ZNF277: variants seen among roughly 807,000 people sequenced by gnomAD.
ZNF277 encodes nuclear receptor-interacting factor 4.
In ZNF277, 55 loss-of-function variants were observed where a neutral mutation model predicts 60.7. That is an observed-to-expected ratio of 0.91 (90% CI 0.73 to 1.13). ZNF277 has a LOEUF of 1.13. Among genes scored for constraint, ZNF277 ranks in the 50% most tolerant of loss-of-function variants. ZNF277 has a pLI of 0.00. For missense variants in ZNF277, 510 were observed against 523.0 expected (o/e 0.98, Z 0.24); for synonymous variants, 178 against 179.3 (o/e 0.99, Z 0.06).
intron 1 of ZNF277, among the ~76,000 whole-genome samples, chr7:112,238,570 C>G (rs997818057): frequency 6.6e-6 from 1 of 152,174 alleles, no homozygotes; most frequent in Admixed American, 6.5e-5. Flanking sequence ...GAGACACCAC[C>G]TGTGGTGGCC....
chr7:112,321,168 G>A (rs535400427), intron 5 of ZNF277, among the ~76,000 whole-genome samples: 12 of 151,770 alleles, frequency 7.9e-5, no homozygotes, highest in East Asian at 5.8e-4. Context: ...TGATCCCCCC[G>A]CCTCAGCCTC....
chr7:112,297,781 C>G (rs4730522), intron 4 of ZNF277, among the ~76,000 whole-genome samples: 1 of 152,186 alleles, frequency 6.6e-6, no homozygotes, highest in East Asian at 1.9e-4. Context: ...CTCACTGTTG[C>G]TAACAGTGGC....
chr7:112,282,021 C>T (rs1344841089), intron 1 of ZNF277, among the ~76,000 whole-genome samples: 2 of 152,020 alleles, frequency 1.3e-5, no homozygotes, highest in African/African-American at 2.4e-5. Context: ...TCAGTAGAGA[C>T]GGGGTTTCAC....
chr7:112,333,272 T>G lies in ZNF277; in HGVS notation c.802-2832T>G, dbSNP rs565204418. 2.6e-5 allele frequency among the ~76,000 whole-genome samples: 4 copies of G among 152,316 alleles called. No homozygotes were observed. The South Asian group carries it at 8.3e-4, about 32-fold the overall frequency. ...TAGTAGTGGGTTTATACATCTATTT[T>G]ATTGACATCATACATTCTGCATACA... On this transcript the variant is annotated intron_variant, in intron 7 of 11. Transcript: ENST00000361822.
At position 112,206,731 on chromosome 7, in the gene ZNF277, G is replaced by A. The variant is rs761648557; in HGVS notation, c.15G>A (p.Lys5=). The change falls in exon 1 of 12, where the codon AAG becomes AAA. Residue 5 remains lysine, a synonymous_variant. Transcript: ENST00000361822. Reference sequence around the variant, plus strand: ...TCTGCCGGGTAATGGCTGCTTCCAAGACCCAGGGGGCTGTCGCCCGAATGC... The same window carrying A: ...TCTGCCGGGTAATGGCTGCTTCCAAAACCCAGGGGGCTGTCGCCCGAATGC... The part of the protein sequence containing the change: MAAS[K]TQGAVARMQE... 7 of 1,613,230 alleles carry A rather than the reference G, an allele frequency of 4.3e-6. No homozygotes were observed. The South Asian group carries it at 4.4e-5, about 10-fold the overall frequency.
At chr7:112,277,193 C>G (rs1034448039) in intron 1 of ZNF277, among the ~76,000 whole-genome samples, 1 of 150,436 alleles carries the variant, frequency 6.6e-6, no homozygotes, top group Non-Finnish European at 1.5e-5. Context: ...ACACCATTCT[C>G]CTGCCTCAGC....
intron 4 of ZNF277, among the ~76,000 whole-genome samples, chr7:112,297,887 G>T (rs991957346): frequency 2.0e-5 from 3 of 152,156 alleles, no homozygotes; most frequent in African/African-American, 7.2e-5. Flanking sequence ...TTGTTCTTTA[G>T]CATGCAGAAT....
At chr7:112,282,139 T>C (rs1791960542) in intron 1 of ZNF277, among the ~76,000 whole-genome samples, 1 of 152,184 alleles carries the variant, frequency 6.6e-6, no homozygotes, top group Non-Finnish European at 1.5e-5. Context: ...TACATGAAAA[T>C]ACATAAGACT....
chr7:112,288,460 A>G (rs891901597), intron 2 of ZNF277: 1 of 152,200 alleles, frequency 6.6e-6, no homozygotes. Context: ...AGAGCTGACT[A>G]TGAAAGTAGG....
intron 1 of ZNF277, among the ~76,000 whole-genome samples, chr7:112,216,770 A>C (rs2116954700): frequency 6.6e-6 from 1 of 152,338 alleles, no homozygotes; most frequent in South Asian, 2.1e-4. Context: ...ATTCAGTCCT[A>C]GCATCTGTAA....
chr7:112,284,013 T>C (rs914106894), intron 1 of ZNF277, among the ~76,000 whole-genome samples: 1 of 152,204 alleles, frequency 6.6e-6, no homozygotes, highest in Non-Finnish European at 1.5e-5. Context: ...CAGAACAGCA[T>C]AGTGTTTGAG....
chr7:112,287,340 A>G, intron 2 of ZNF277: 1 of 382,020 alleles, frequency 2.6e-6, no homozygotes, highest in Admixed American at 4.1e-5. Flanking sequence ...ATACCATTGC[A>G]CTCCAGCCTG....
chr7:112,277,340 C>G (rs147056327), intron 1 of ZNF277, among the ~76,000 whole-genome samples: 3,143 of 152,216 alleles, frequency 0.021, 49 homozygotes, highest in Non-Finnish European at 0.034. Context: ...CCTCAGCCTT[C>G]CAAAGTGCTG....
At chr7:112,237,774 A>C (rs1790838939) in intron 1 of ZNF277, among the ~76,000 whole-genome samples, 1 of 152,172 alleles carries the variant, frequency 6.6e-6, no homozygotes, top group Non-Finnish European at 1.5e-5. Context: ...TGGCTTACCA[A>C]AACTGTTACA....
intron 1 of ZNF277, among the ~76,000 whole-genome samples, chr7:112,240,372 G>A (rs1389972215): frequency 1.3e-5 from 2 of 152,128 alleles, no homozygotes; most frequent in Non-Finnish European, 2.9e-5. Context: ...ACAACTGAGT[G>A]ATACAGTCAA....
At chr7:112,240,240 G>A (rs938285508) in intron 1 of ZNF277, among the ~76,000 whole-genome samples, 1 of 152,030 alleles carries the variant, frequency 6.6e-6, no homozygotes, top group Non-Finnish European at 1.5e-5. Flanking sequence ...AAAATGACGG[G>A]ATATCAAAGA....
intron 1 of ZNF277, among the ~76,000 whole-genome samples, chr7:112,258,124 G>C (rs140120931): frequency 6.6e-6 from 1 of 152,110 alleles, no homozygotes; most frequent in East Asian, 1.9e-4. Context: ...ATTTTGCTTA[G>C]CAAATAAAAT....
At chr7:112,335,860 A>G (rs1385824889) in intron 7 of ZNF277, among the ~76,000 whole-genome samples, 1 of 152,174 alleles carries the variant, frequency 6.6e-6, no homozygotes, top group Non-Finnish European at 1.5e-5. Flanking sequence ...CTGCTTCTCT[A>G]AAAAATTATC....
chr7:112,300,072 C>A (rs1399139623), intron 4 of ZNF277, among the ~76,000 whole-genome samples: 1 of 152,096 alleles, frequency 6.6e-6, no homozygotes, highest in African/African-American at 2.4e-5. Flanking sequence ...TTCCCCAAAC[C>A]TCATTTTAAA....
Sources: allele counts gnomAD v4.1 joint callset (sites outside exome capture counted in the v4.1 genomes callset), GRCh38; gene constraint gnomAD v4.1.1; transcripts MANE v1.5; gene names NCBI Gene and HGNC (gene_info 2026-07-23, HGNC 2026-07-21).